The following AMTN variants were observed in gnomAD, a reference collection of about 807,000 sequenced individuals.
AMTN encodes the protein RSTI689.
Under a neutral mutation model 27.4 loss-of-function variants are expected in AMTN, and 29 were observed. That is an observed-to-expected ratio of 1.06 (90% confidence interval 0.79 to 1.44). The LOEUF (loss-of-function observed/expected upper bound fraction) is 1.44. AMTN is among the 40% of genes most tolerant of loss of function. The pLI is 0.00. For synonymous variants in AMTN, 86 were observed against 95.7 expected, an observed-to-expected ratio of 0.90 and a Z score of 0.59; for missense variants, 247 against 248.8, an observed-to-expected ratio of 0.99 and a Z score of 0.05.
At chr4:70,522,629 A>T (rs1736001000) in intron 2 of AMTN, 126 bp from the exon 3 acceptor site, 2 of 900,590 alleles carry the variant, frequency 2.2e-6, no homozygotes, top group Middle Eastern at 2.3e-4. Context: ...AGGGAATCAA[A>T]CTCCTCTAAA....
chr4:70,524,010 G>A, intron 4 of AMTN, 77 bp downstream of exon 4: 1 of 1,185,208 alleles, frequency 8.4e-7, no homozygotes, highest in South Asian at 1.3e-5. Context: ...GGGGGAGCAT[G>A]TATATGGGTG....
intron 5 of AMTN, among the ~76,000 whole-genome samples, chr4:70,528,132 T>A (rs1736137393): frequency 6.6e-6 from 1 of 152,184 alleles, no homozygotes; most frequent in African/African-American, 2.4e-5. Context: ...ATTTTCAGTT[T>A]GGAGACTTCT....
chr4:70,525,044 G>A, intron 5 of AMTN, 83 bp downstream of exon 5: 1 of 1,343,006 alleles, frequency 7.4e-7, no homozygotes, highest in East Asian at 2.3e-5. Flanking sequence ...ATTTTTTAAA[G>A]CTTCTTGAAA....
chr4:70,519,940 G>GTA (rs1735917163), intron 2 of AMTN, among the ~76,000 whole-genome samples: 1 of 151,994 alleles, frequency 6.6e-6, no homozygotes, highest in African/African-American at 2.4e-5. Flanking sequence ...GTGTCTGTGT[G>GTA]TGTGTGTCCT....
At chr4:70,526,351 A>G (rs527751654) in intron 5 of AMTN, among the ~76,000 whole-genome samples, 1 of 152,294 alleles carries the variant, frequency 6.6e-6, no homozygotes, top group African/African-American at 2.4e-5. Flanking sequence ...ATGACTGCTT[A>G]GTAGTCCATG....
chr4:70,531,893 C>A (rs1736234169), intron 8 of AMTN, among the ~76,000 whole-genome samples: 1 of 152,134 alleles, frequency 6.6e-6, no homozygotes, highest in Non-Finnish European at 1.5e-5. Context: ...TGGCCTCAAG[C>A]AATCTGCCTG....
intron 2 of AMTN, among the ~76,000 whole-genome samples, chr4:70,521,758 T>C (rs1735975304): frequency 6.9e-6 from 1 of 145,618 alleles, no homozygotes; most frequent in Non-Finnish European, 1.5e-5. Flanking sequence ...TAGCTGGGAC[T>C]ATAAGCGTGC....
In AMTN at chr4:70,532,669, G is replaced by A. The variant is rs376171972; in HGVS notation, c.*204G>A. 3.8e-5 allele frequency: 19 copies of A among 498,246 alleles called. No homozygotes were observed. Among genetic ancestry groups the A allele is most frequent in the African/African-American group, 2.6e-4 (13 of 49,904 alleles). 30.9% of individuals were successfully genotyped at this position (498,246 alleles called of 1,614,324 possible). On this transcript the variant is annotated 3_prime_UTR_variant, in exon 9 of 9. Coordinates refer to ENST00000339336, the MANE Select transcript of AMTN (RefSeq NM_212557.4). Reference sequence around the variant, plus strand: ...CAACTTTTAAAAACAATAATTCAATGGATAAATCTGTCTTTGAAATATAAC... The same window carrying A: ...CAACTTTTAAAAACAATAATTCAATAGATAAATCTGTCTTTGAAATATAAC...
At chr4:70,524,791 A>G (rs1560573202) in intron 4 of AMTN, 81 bp from the exon 5 acceptor site, 3 of 1,267,704 alleles carry the variant, frequency 2.4e-6, no homozygotes, top group Non-Finnish European at 3.4e-6. Context: ...AATATATTTT[A>G]CGTTTAGTAA....
chr4:70,525,682 G>A (rs538502322), intron 5 of AMTN, among the ~76,000 whole-genome samples: 28 of 152,244 alleles, frequency 1.8e-4, no homozygotes, highest in Non-Finnish European at 3.8e-4. Context: ...GATCACTTGA[G>A]CCCAGGCATT....
intron 2 of AMTN, among the ~76,000 whole-genome samples, chr4:70,520,698 T>C (rs1442666417): frequency 6.6e-6 from 1 of 152,064 alleles, no homozygotes; most frequent in Non-Finnish European, 1.5e-5. Flanking sequence ...GTAGGTCACA[T>C]GACAGGTTAG....
intron 6 of AMTN, 98 bp from the exon 7 acceptor site, chr4:70,529,086 C>A: frequency 8.9e-7 from 1 of 1,123,940 alleles, no homozygotes; most frequent in South Asian, 1.7e-5. Context: ...TCTGTATAAT[C>A]TTTGAAAGTA....
chr4:70,521,378 TAAAAA>T (rs58094819), intron 2 of AMTN, among the ~76,000 whole-genome samples: 1 of 115,044 alleles, frequency 8.7e-6, no homozygotes, highest in East Asian at 2.4e-4. Flanking sequence ...AGACTCCACT[TAAAAA>T]AAAAAAAAAA....
intron 2 of AMTN, among the ~76,000 whole-genome samples, chr4:70,521,264 C>A (rs1429564055): frequency 2.0e-5 from 3 of 151,768 alleles, no homozygotes; most frequent in Non-Finnish European, 4.4e-5. Context: ...CCGGTAATCC[C>A]AGCTACTCAG....
chr4:70,521,215 C>T lies in AMTN; in HGVS notation c.55-1540C>T, dbSNP rs887814968. ...CCAATATGGTGAAACACCGTCCCTA[C>T]TAAAAATACAAAAAATTAGCTGGAC... On this transcript the variant is annotated intron_variant, in intron 2 of 8. Transcript: ENST00000339336. 3.3e-5 allele frequency among the ~76,000 whole-genome samples: 5 copies of T among 151,918 alleles called. No homozygotes were observed. In the East Asian group the frequency reaches 7.7e-4, roughly 24 times the overall value.
intron 7 of AMTN, 54 bp from the exon 8 acceptor site, chr4:70,530,984 GA>G: frequency 6.3e-7 from 1 of 1,596,410 alleles, no homozygotes; most frequent in African/African-American, 1.3e-5. Context: ...CCTTAAAAGA[GA>G]AAAGAAAATG....
At chr4:70,530,966 C>T (rs1736206060) in intron 7 of AMTN, 73 bp from the exon 8 acceptor site, 1 of 1,553,154 alleles carries the variant, frequency 6.4e-7, no homozygotes, top group Admixed American at 1.9e-5. Flanking sequence ...CCTACCCAAA[C>T]TTGCTCCCCT....
Position 70,528,151 on chromosome 4 carries a change from A to AT in AMTN, c.295-563dup, listed in dbSNP as rs199511568. Among the ~76,000 whole-genome samples, 1,215 of 151,396 alleles carry AT rather than the reference A, an allele frequency of 8.0e-3. 15 individuals carry two copies. Among genetic ancestry groups the AT allele is most frequent in the African/African-American group, 0.025 (1,043 of 41,298 alleles). On this transcript the variant is annotated intron_variant, in intron 5 of 8. Coordinates refer to ENST00000339336, the MANE Select transcript of AMTN (RefSeq NM_212557.4). ...TCAGTTTGGAGACTTCTTGAGAACA[A>AT]TTTTTTTTTGTTGTTTATCCAGTTT...
chr4:70,528,641 C>T (rs1158095763), intron 5 of AMTN, 82 bp from the exon 6 acceptor site: 10 of 1,254,962 alleles, frequency 8.0e-6, no homozygotes, highest in Admixed American at 3.8e-5. Flanking sequence ...CAGAGCAAGA[C>T]TCCATCTCCA....
Sources: allele counts gnomAD v4.1 joint callset (sites outside exome capture counted in the v4.1 genomes callset), GRCh38; gene constraint gnomAD v4.1.1; transcripts MANE v1.5; gene names NCBI Gene and HGNC (gene_info 2026-07-23, HGNC 2026-07-21).